Variants in SGTA observed in about 807,000 individuals in gnomAD.
SGTA encodes the protein small glutamine rich tetratricopeptide repeat co-chaperone alpha.
A neutral mutation model predicts 44.3 loss-of-function variants in SGTA; 22 were observed. The ratio of observed to expected loss-of-function variants is 0.50; its 90% CI spans 0.36 to 0.71. SGTA has a LOEUF of 0.71. SGTA is among the 30% of genes least tolerant of loss of function. The probability of loss-of-function intolerance (pLI) is 0.00; values close to 1 mark genes in which losing one functional copy is unlikely to be tolerated. For synonymous variants in SGTA, 174 were observed against 177.6 expected (o/e 0.98, Z 0.16); for missense variants, 341 against 435.9 (o/e 0.78, Z 1.94).
intron 7 of SGTA, among the ~76,000 whole-genome samples, chr19:2,762,266 C>A (rs1407166048): frequency 2.0e-5 from 3 of 152,220 alleles, no homozygotes; most frequent in Non-Finnish European, 4.4e-5. Context: ...CCTTTCTGTG[C>A]CCCTCCCTCA....
Position 2,763,085 on chromosome 19 carries a change from G to C in SGTA, c.498-441C>G, listed in dbSNP as rs1052291998. ...CTGAGTGAGTCTTCACTCGTGAGGTGACTCAGGGCCCCTACAGAGCCCAGG... is the reference window on the plus strand; with the variant it reads ...CTGAGTGAGTCTTCACTCGTGAGGTCACTCAGGGCCCCTACAGAGCCCAGG... On this transcript the variant is annotated intron_variant, in intron 6 of 11. Transcript: ENST00000221566. This position sits in a 1 kb window ranked among gnomAD's most constrained non-coding sequence, Gnocchi z 5.8. Among the ~76,000 whole-genome samples, 2 of 152,174 alleles carry C rather than the reference G, an allele frequency of 1.3e-5. No homozygotes were observed. The highest frequency in any genetic ancestry group is 4.1e-4 in the South Asian group (2 of 4,830).
rs564968509 is a variant in SGTA at position 2,767,246 on chromosome 19, G to A, written c.208-26C>T. Reference sequence around the variant, plus strand: ...CTGGACCCGGAGGCAAAGGCGGCCCGCTGTCCTCTCCTCCCAACCTGGCAC... The same window carrying A: ...CTGGACCCGGAGGCAAAGGCGGCCCACTGTCCTCTCCTCCCAACCTGGCAC... On this transcript the variant is annotated intron_variant, in intron 3 of 11. Transcript: ENST00000221566. The surrounding 1 kb of genome is among the most constrained non-coding windows in gnomAD (Gnocchi z 7.3). 1.2e-4 allele frequency: 189 copies of A among 1,560,240 alleles called. 2 individuals are homozygous for A. Among genetic ancestry groups the A allele is most frequent in the Middle Eastern group, 8.3e-4 (4 of 4,814 alleles).
intron 4 of SGTA, among the ~76,000 whole-genome samples, chr19:2,766,281 AGT>A (rs2144728236): frequency 6.6e-6 from 1 of 152,106 alleles, no homozygotes; most frequent in South Asian, 2.1e-4. Context: ...TCTCTCCCTG[AGT>A]GTGATGTCTT....
rs1283755019 is a variant in SGTA at position 2,765,520 on chromosome 19, G to A, written c.293-235C>T. On this transcript the variant is annotated intron_variant, in intron 4 of 11. Transcript: ENST00000221566. This position sits in a 1 kb window ranked among gnomAD's most constrained non-coding sequence, Gnocchi z 5.5. ...TCCACTAAGGGGGATGGAGGTGGGG[G>A]CGGCAGGGCCTGGCCTGGCCTGTGC... 6.6e-6 allele frequency among the ~76,000 whole-genome samples: 1 copy of A among 152,178 alleles called. No individual in the cohort carries two copies. The highest frequency in any genetic ancestry group is 1.5e-5 in the Non-Finnish European group (1 of 68,024).
chr19:2,768,908 C>T, intron 2 of SGTA, 61 bp downstream of exon 2: 1 of 1,249,062 alleles, frequency 8.0e-7, no homozygotes, highest in Non-Finnish European at 1.2e-6. Flanking sequence ...CAGGTGTCTA[C>T]ACGAGGCGAC....
In SGTA at chr19:2,778,937, T is replaced by C. The variant is rs190713219; in HGVS notation, c.-24+4296A>G. On this transcript the variant is annotated intron_variant, in intron 1 of 11. Coordinates refer to ENST00000221566, the MANE Select transcript of SGTA (RefSeq NM_003021.4). ...CCAGTGTGAGCAGGAGCAAGCTCAA[T>C]TTTTTTCCCAAATAATTAATGCAGG... Among the ~76,000 whole-genome samples, 363 of 152,228 alleles carry C rather than the reference T, an allele frequency of 2.4e-3. 1 individual carries two copies. The highest frequency in any genetic ancestry group is 8.3e-3 in the African/African-American group (343 of 41,538).
chr19:2,755,845 T>C lies in SGTA; in HGVS notation c.*95A>G. ...GGTCCGAGGTCTCTCTCTTCCCCTC[T>C]CTCAGGCAGTCCAACAGGAGGAAGT... On this transcript the variant is annotated 3_prime_UTR_variant, in exon 12 of 12. Transcript: ENST00000221566. The surrounding 1 kb of genome is among the most constrained non-coding windows in gnomAD (Gnocchi z 5.2). 1.0e-6 allele frequency: 1 copy of C among 985,526 alleles called. No individual in the cohort carries two copies. Among genetic ancestry groups the C allele is most frequent in the Non-Finnish European group, 1.2e-6 (1 of 830,020 alleles). 61.0% of individuals were successfully genotyped at this position (985,526 alleles called of 1,614,324 possible). A position where few individuals can be genotyped will look rare whatever the true frequency, so the allele number is the denominator to read the frequency against.
chr19:2,761,323 C>T lies in SGTA; in HGVS notation c.699+137G>A. 1.2e-6 allele frequency: 1 copy of T among 820,492 alleles called. No individual in the cohort carries two copies. Among genetic ancestry groups the T allele is most frequent in the Non-Finnish European group, 2.0e-6 (1 of 508,022 alleles). The allele number at this position is 820,492 out of a possible 1,614,324, so 50.8% of individuals were successfully genotyped here. A position where few individuals can be genotyped will look rare whatever the true frequency, so the allele number is the denominator to read the frequency against. Reference sequence around the variant, plus strand: ...AGCGCCCTGCGGTGCCCAGGACGACCCCACAGACAAGACCCATCTGGTTCC... The same window carrying T: ...AGCGCCCTGCGGTGCCCAGGACGACTCCACAGACAAGACCCATCTGGTTCC... On this transcript the variant is annotated intron_variant, in intron 8 of 11. Coordinates refer to ENST00000221566, the MANE Select transcript of SGTA (RefSeq NM_003021.4). The surrounding 1 kb of genome is among the most constrained non-coding windows in gnomAD (Gnocchi z 5.7).
intron 1 of SGTA, among the ~76,000 whole-genome samples, chr19:2,771,059 T>A (rs1252613626): frequency 2.0e-5 from 3 of 152,246 alleles, no homozygotes; most frequent in Admixed American, 1.3e-4. Flanking sequence ...TTGTGGCTGC[T>A]GTCAGGGGTC....
chr19:2,767,820 G>A lies in SGTA; in HGVS notation c.101-134C>T, dbSNP rs551017852. The stretch of plus-strand genomic sequence containing the variant: ...CCAAGGACCCCAGAACGCAGGGGCC[G>A]CCGCCTGTGCTCTGGGCTGGGACAG... On this transcript the variant is annotated intron_variant, in intron 2 of 11. Transcript: ENST00000221566. This position sits in a 1 kb window ranked among gnomAD's most constrained non-coding sequence, Gnocchi z 7.3. 12 of 685,268 alleles carry A rather than the reference G, an allele frequency of 1.8e-5. No individual in the cohort carries two copies. Among genetic ancestry groups the A allele is most frequent in the African/African-American group, 1.2e-4 (7 of 56,338 alleles). The allele number at this position is 685,268 out of a possible 1,614,324, so 42.4% of individuals were successfully genotyped here.
chr19:2,774,752 G>A (rs1568312780), intron 1 of SGTA, among the ~76,000 whole-genome samples: 1 of 152,160 alleles, frequency 6.6e-6, no homozygotes, highest in Non-Finnish European at 1.5e-5. Flanking sequence ...AAAGCGCTGG[G>A]ATCACAGGTG....
intron 1 of SGTA, among the ~76,000 whole-genome samples, chr19:2,779,136 T>C (rs1640262): frequency 0.37 from 56,605 of 152,044 alleles, 13,013 homozygotes; most frequent in East Asian, 0.66. Context: ...AAATCACTGA[T>C]GGCCACTAAG....
chr19:2,781,114 G>A (rs1013918245), intron 1 of SGTA, among the ~76,000 whole-genome samples: 1 of 152,136 alleles, frequency 6.6e-6, no homozygotes, highest in Admixed American at 6.5e-5. Context: ...AGCCTGTACT[G>A]AGCACTTCCT....
chr19:2,767,956 T>G lies in SGTA; in HGVS notation c.101-270A>C, dbSNP rs980513036. Among the ~76,000 whole-genome samples the G allele has an allele frequency of 6.6e-6, 1 of 152,096 alleles. No individual in the cohort carries two copies. Among genetic ancestry groups the G allele is most frequent in the Non-Finnish European group, 1.5e-5 (1 of 67,984 alleles). On this transcript the variant is annotated intron_variant, in intron 2 of 11. Transcript: ENST00000221566. This position sits in a 1 kb window ranked among gnomAD's most constrained non-coding sequence, Gnocchi z 7.3. The stretch of plus-strand genomic sequence containing the variant: ...CCCAGGTGGTGACCTCAGGCCTCTG[T>G]GGGGTCCCAATGCTGGGGCTGCCCG...
chr19:2,777,165 C>T (rs1168260778), intron 1 of SGTA, among the ~76,000 whole-genome samples: 1 of 151,284 alleles, frequency 6.6e-6, no homozygotes, highest in African/African-American at 2.4e-5. Flanking sequence ...GCAGGAGAAT[C>T]ACTTGAACTC....
Position 2,774,689 on chromosome 19 carries a change from C to G in SGTA, c.-23-5598G>C, listed in dbSNP as rs116389792. Reference sequence around the variant, plus strand: ...ACGTCAACTATGTAAAATACCTGCCCATGAACATTGGCAAACTCCTGGCCT... The same window carrying G: ...ACGTCAACTATGTAAAATACCTGCCGATGAACATTGGCAAACTCCTGGCCT... On this transcript the variant is annotated intron_variant, in intron 1 of 11. Transcript: ENST00000221566. 3.2e-3 allele frequency among the ~76,000 whole-genome samples: 487 copies of G among 152,258 alleles called. 4 individuals are homozygous for G. Among genetic ancestry groups the G allele is most frequent in the African/African-American group, 0.011 (468 of 41,548 alleles).
rs1268392319 is a variant in SGTA at position 2,773,876 on chromosome 19, GTGA to G, written c.-23-4788_-23-4786del. On this transcript the variant is annotated intron_variant, in intron 1 of 11. Coordinates refer to ENST00000221566, the MANE Select transcript of SGTA (RefSeq NM_003021.4). ...GCAGGGACACCGAGGGCAGAGGTGGGTGACACGGCCACACGGCAGGGACTCCGA... is the reference window on the plus strand; with the variant it reads ...GCAGGGACACCGAGGGCAGAGGTGGGCACGGCCACACGGCAGGGACTCCGA... Among the ~76,000 whole-genome samples, 234 of 74,874 alleles carry G rather than the reference GTGA, an allele frequency of 3.1e-3. 53 individuals are homozygous for G. The highest frequency in any genetic ancestry group is 0.021 in the African/African-American group (213 of 10,036). 49.1% of individuals were successfully genotyped at this position (74,874 alleles called of 152,430 possible). A position where few individuals can be genotyped will look rare whatever the true frequency, so the allele number is the denominator to read the frequency against.
Position 2,765,051 on chromosome 19 carries a change from T to C in SGTA, c.392+135A>G. 2 of 650,294 alleles carry C rather than the reference T, an allele frequency of 3.1e-6. No homozygotes were observed. Among genetic ancestry groups the C allele is most frequent in the African/African-American group, 1.8e-5 (1 of 55,212 alleles). The allele number at this position is 650,294 out of a possible 1,614,324, so 40.3% of individuals were successfully genotyped here. On this transcript the variant is annotated intron_variant, in intron 5 of 11. Transcript: ENST00000221566. This position sits in a 1 kb window ranked among gnomAD's most constrained non-coding sequence, Gnocchi z 5.5. ...TTGCTGGTCACCTGATGCTCGCTCC[T>C]GGTCTGAGACCACCGGTGAATGGAT...
rs574766932 is a variant in SGTA at position 2,755,328 on chromosome 19, C to T, written c.*612G>A. 15 of 869,720 alleles carry T rather than the reference C, an allele frequency of 1.7e-5. No homozygotes were observed. Among genetic ancestry groups the T allele is most frequent in the East Asian group, 1.2e-4 (1 of 8,256 alleles). The allele number at this position is 869,720 out of a possible 1,614,324, so 53.9% of individuals were successfully genotyped here. The stretch of plus-strand genomic sequence containing the variant: ...AGAAACTGGTCCTATGCACCCAGGA[C>T]GGCTCCTGAGCCGCGGAGGCGTGGG... On this transcript the variant is annotated 3_prime_UTR_variant, in exon 12 of 12. Transcript: ENST00000221566. The surrounding 1 kb of genome is among the most constrained non-coding windows in gnomAD (Gnocchi z 5.2).
Sources: allele counts gnomAD v4.1 joint callset (sites outside exome capture counted in the v4.1 genomes callset), GRCh38; gene constraint gnomAD v4.1.1; non-coding constraint Gnocchi (gnomAD v3.1); transcripts MANE v1.5; gene names NCBI Gene and HGNC (gene_info 2026-07-23, HGNC 2026-07-21).